WNK2: variants seen among roughly 807,000 people sequenced by gnomAD.
The protein encoded by WNK2 is serine/threonine-protein kinase WNK2.
Under a neutral mutation model 192.1 loss-of-function variants are expected in WNK2, and 67 were observed. That is an observed-to-expected ratio of 0.35 (90% CI 0.29 to 0.43). The LOEUF is 0.43. WNK2 is among the 20% of genes least tolerant of loss of function. The pLI, the probability that WNK2 is intolerant of heterozygous loss-of-function variation, is 1.00. For missense variants in WNK2, 2,698 were observed against 3,089.7 expected (o/e 0.87, Z 3.01); for synonymous variants, 1,439 against 1,393.9 (o/e 1.03, Z -0.72).
At chr9:93,243,142 C>T (rs10992687) in intron 7 of WNK2, among the ~76,000 whole-genome samples, 8 of 152,168 alleles carry the variant, frequency 5.3e-5, no homozygotes, top group African/African-American at 1.4e-4. Flanking sequence ...CACCAGACCT[C>T]GTGGGCTCCT....
intron 19 of WNK2, among the ~76,000 whole-genome samples, chr9:93,276,292 C>G (rs1199452436): frequency 2.6e-5 from 4 of 152,174 alleles, no homozygotes; most frequent in African/African-American, 9.7e-5. Context: ...TAGACCCACA[C>G]AAATATGACC....
intron 2 of WNK2, among the ~76,000 whole-genome samples, chr9:93,224,838 T>C (rs1335028378): frequency 1.3e-5 from 2 of 152,176 alleles, no homozygotes; most frequent in African/African-American, 4.8e-5. Flanking sequence ...ACACCAAACC[T>C]TTAAGCACCG....
At chr9:93,215,926 G>T (rs768578049) in intron 2 of WNK2, among the ~76,000 whole-genome samples, 1 of 152,102 alleles carries the variant, frequency 6.6e-6, no homozygotes, top group East Asian at 1.9e-4. Flanking sequence ...CATATTTGAG[G>T]CTCTGGGTGA....
Position 93,289,286 on chromosome 9 carries a change from C to A in WNK2, c.4532C>A (p.Thr1511Asn). ...PAAVGAVSLA[T>N]SQLPSPPLGP... ...GCAGTGGGGGCCGTCAGCCTGGCCA[C>A]CTCCCAGCTCCCAAGCCCACCCCTG... is the stretch of plus-strand genomic sequence containing the variant. Residue 1511 changes from threonine to asparagine, a missense_variant, in exon 20 of 30, where the codon ACC becomes AAC. Around this residue, in one of 7 missense-constraint regions of WNK2, gnomAD observed 1,098 missense variants for 1,101.0 expected, o/e 1.00. Transcript: ENST00000427277. 5 of 1,599,114 alleles carry A rather than the reference C, an allele frequency of 3.1e-6. No homozygotes were observed. Among genetic ancestry groups the A allele is most frequent in the Non-Finnish European group, 4.3e-6 (5 of 1,174,076 alleles).
Position 93,234,800 on chromosome 9 carries a change from G to C in WNK2, c.1076-8G>C. ...GCTGACAGCTGCGTCTGTTGCTTCC[G>C]GGCACAGGTACTCCCGAGTTCATGG... is the stretch of plus-strand genomic sequence containing the variant. On this transcript the variant is annotated splice_polypyrimidine_tract_variant and splice_region_variant and intron_variant, in intron 4 of 29. Transcript: ENST00000427277. The C allele has an allele frequency of 6.2e-7, 1 of 1,609,630 alleles. No homozygotes were observed.
intron 2 of WNK2, among the ~76,000 whole-genome samples, chr9:93,219,801 G>A (rs1283900738): frequency 6.6e-6 from 1 of 152,256 alleles, no homozygotes; most frequent in East Asian, 1.9e-4. Flanking sequence ...GTTGCCACCA[G>A]CTTGCCCACC....
intron 26 of WNK2, 95 bp from the exon 27 acceptor site, chr9:93,306,682 C>T: frequency 1.3e-6 from 2 of 1,504,032 alleles, no homozygotes; most frequent in Non-Finnish European, 1.9e-6. Context: ...CCCCTCCCTG[C>T]ACACTGACGA....
rs750180756 is a variant in WNK2 at position 93,231,123 on chromosome 9, C to T, written c.1075+15C>T. On this transcript the variant is annotated intron_variant, in intron 4 of 29. Transcript: ENST00000427277. The stretch of plus-strand genomic sequence containing the variant: ...AAGTGTGATAGGTAAACCTGCTTCT[C>T]CTCCCCAGGCCCTTGGAGCCCATGA... 32 of 1,611,380 alleles carry T rather than the reference C, an allele frequency of 2.0e-5. No homozygotes were observed. In the South Asian group the frequency reaches 3.3e-4, roughly 17 times the overall value.
chr9:93,305,874 G>A (rs1002833795), intron 26 of WNK2, among the ~76,000 whole-genome samples: 2 of 152,364 alleles, frequency 1.3e-5, no homozygotes, highest in Non-Finnish European at 2.9e-5. Context: ...CTGTGCTAGT[G>A]AGGCTTTGCC....
At chr9:93,253,106 C>T (rs1393088354) in intron 9 of WNK2, 24 bp downstream of exon 9, 1 of 1,376,590 alleles carries the variant, frequency 7.3e-7, no homozygotes, top group South Asian at 1.7e-5. Context: ...TCACTCCCAC[C>T]CCCTTCCCCA....
intron 29 of WNK2, chr9:93,317,887 AC>A (rs1257879805): frequency 6.3e-7 from 1 of 1,574,856 alleles, no homozygotes; most frequent in Non-Finnish European, 8.6e-7. Flanking sequence ...CGCCCTCGGA[AC>A]CGCCCGGAGA....
chr9:93,299,001 GACTC>G, intron 24 of WNK2, 65 bp from the exon 25 acceptor site: 1 of 1,495,142 alleles, frequency 6.7e-7, no homozygotes. Flanking sequence ...AGGCAGAACA[GACTC>G]AATCCACACG....
At chr9:93,192,290 C>T (rs979545143) in intron 2 of WNK2, among the ~76,000 whole-genome samples, 8 of 150,844 alleles carry the variant, frequency 5.3e-5, no homozygotes, top group African/African-American at 1.7e-4. Context: ...TCCAGCCCGG[C>T]GACAGAGCGA....
In WNK2 at chr9:93,281,276, A is replaced by G. The variant is rs145776438; in HGVS notation, c.4034-7512A>G. Among the ~76,000 whole-genome samples, 14 of 152,320 alleles carry G rather than the reference A, an allele frequency of 9.2e-5. No homozygotes were observed. In the East Asian group the frequency reaches 2.5e-3, roughly 27 times the overall value. On this transcript the variant is annotated intron_variant, in intron 19 of 29. Coordinates refer to ENST00000427277, the MANE Select transcript of WNK2 (RefSeq NM_006648.4). ...CAGAGCATGTCAGCAGAGGTTCCCA[A>G]TGGTGGAGTTATCAGACTGAGAACT...
Position 93,283,341 on chromosome 9 carries a change from G to A in WNK2, c.4034-5447G>A, listed in dbSNP as rs139533496. On this transcript the variant is annotated intron_variant, in intron 19 of 29. Transcript: ENST00000427277. ...GAAATAGTAAACAAATATACAATAG[G>A]GTATCAACAGAGCTTAGCAACGGTT... is the stretch of plus-strand genomic sequence containing the variant. Among the ~76,000 whole-genome samples the A allele has an allele frequency of 2.3e-3, 357 of 152,150 alleles. 2 individuals carry two copies. Among genetic ancestry groups the A allele is most frequent in the African/African-American group, 7.8e-3 (324 of 41,538 alleles).
intron 28 of WNK2, among the ~76,000 whole-genome samples, chr9:93,314,941 C>G (rs532548310): frequency 6.6e-6 from 1 of 152,202 alleles, no homozygotes; most frequent in South Asian, 2.1e-4. Flanking sequence ...CATTCTCATA[C>G]TAAGCAGATG....
intron 29 of WNK2, chr9:93,318,609 T>C: frequency 6.2e-7 from 1 of 1,601,548 alleles, no homozygotes; most frequent in Non-Finnish European, 8.5e-7. Flanking sequence ...GCCCACCCTG[T>C]GGAGACAAGT....
chr9:93,190,970 C>A lies in WNK2; in HGVS notation c.681+5360C>A, dbSNP rs149322276. Among the ~76,000 whole-genome samples the A allele has an allele frequency of 5.5e-3, 839 of 152,230 alleles. 2 individuals carry two copies. Among genetic ancestry groups the A allele is most frequent in the Non-Finnish European group, 9.2e-3 (623 of 68,004 alleles). ...CTTACAGCAAGGGAGACAAAGGGGC[C>A]GGGACACATCAGGGCTGGAAGAGGC... On this transcript the variant is annotated intron_variant, in intron 2 of 29. Coordinates refer to ENST00000427277, the MANE Select transcript of WNK2 (RefSeq NM_006648.4).
chr9:93,320,406 C>T lies in WNK2; in HGVS notation c.*14C>T, dbSNP rs1427483641. ...AAGCCTGACTGACCCCGCCTAGACG[C>T]CAGGCCCACTTCACGCCGTCTAAGT... On this transcript the variant is annotated 3_prime_UTR_variant, in exon 30 of 30. Coordinates refer to ENST00000427277, the MANE Select transcript of WNK2 (RefSeq NM_006648.4). The T allele has an allele frequency of 2.9e-6, 4 of 1,367,556 alleles. No homozygotes were observed. Among genetic ancestry groups the T allele is most frequent in the Non-Finnish European group, 3.9e-6 (4 of 1,021,862 alleles). 84.7% of individuals were successfully genotyped at this position (1,367,556 alleles called of 1,614,324 possible).
Sources: allele counts gnomAD v4.1 joint callset (sites outside exome capture counted in the v4.1 genomes callset), GRCh38; gene constraint gnomAD v4.1.1; regional missense constraint gnomAD v4.1.1; transcripts MANE v1.5; gene names NCBI Gene and HGNC (gene_info 2026-07-23, HGNC 2026-07-21).